Variants in RFX4 observed in about 807,000 individuals in gnomAD.
RFX4 encodes regulatory factor X4, also known as transcription factor RFX4.
RFX4 carries 10 observed loss-of-function variants against 95.0 expected under a neutral mutation model. That is an observed-to-expected ratio of 0.11 (90% CI 0.06 to 0.18). RFX4 has a LOEUF of 0.18. Ranked by LOEUF, RFX4 falls within the 10% of genes least tolerant of loss-of-function variation. The pLI is 1.00. For missense variants in RFX4, 640 were observed against 922.0 expected, an observed-to-expected ratio of 0.69 and a Z score of 3.96; for synonymous variants, 321 against 340.7, an observed-to-expected ratio of 0.94 and a Z score of 0.64.
rs142364997 is a variant in RFX4, at chr12:106,662,110, A to T, written c.315+7759A>T. ...GGCAATTGCTAGATTGTATGGTAAG[A>T]GTTTATTTAGTTTTGTAATAAACTG... On this transcript the variant is annotated intron_variant, in intron 4 of 17. Coordinates refer to ENST00000392842, the MANE Select transcript of RFX4 (RefSeq NM_213594.3). 8.5e-4 allele frequency: 270 copies of T among 317,006 alleles called. 1 individual carries two copies. Among genetic ancestry groups the T allele is most frequent in the African/African-American group, 5.6e-3 (257 of 46,086 alleles). 19.6% of individuals were successfully genotyped at this position (317,006 alleles called of 1,614,324 possible). A position where few individuals can be genotyped will look rare whatever the true frequency, so the allele number is the denominator to read the frequency against.
chr12:106,644,756 T>C (rs1412947428), intron 3 of RFX4, among the ~76,000 whole-genome samples: 4 of 152,180 alleles, frequency 2.6e-5, no homozygotes, highest in Admixed American at 6.5e-5. Context: ...TCATCTGCAG[T>C]GCAAAATACT....
At chr12:106,713,910 A>G (rs1047611775) in intron 10 of RFX4, among the ~76,000 whole-genome samples, 4 of 151,922 alleles carry the variant, frequency 2.6e-5, no homozygotes, top group Non-Finnish European at 5.9e-5. Context: ...TCTACTAAAA[A>G]TACAAAAAAA....
intron 4 of RFX4, among the ~76,000 whole-genome samples, chr12:106,666,726 A>C (rs1196537579): frequency 2.0e-5 from 3 of 152,080 alleles, no homozygotes; most frequent in Non-Finnish European, 4.4e-5. Flanking sequence ...TTTCTGTTAC[A>C]GTGTTTTTGA....
At chr12:106,621,607 A>G (rs148728930) in intron 2 of RFX4, among the ~76,000 whole-genome samples, 1,647 of 152,322 alleles carry the variant, frequency 0.011, 15 homozygotes, top group Admixed American at 0.019. Flanking sequence ...ATCTGCATGT[A>G]TAGCTTAGGA....
chr12:106,749,143 C>G (rs2042950711), intron 16 of RFX4, among the ~76,000 whole-genome samples: 1 of 150,826 alleles, frequency 6.6e-6, no homozygotes, highest in Non-Finnish European at 1.5e-5. Context: ...GTAGCCCCAG[C>G]TACTCAGGAG....
intron 2 of RFX4, among the ~76,000 whole-genome samples, chr12:106,635,802 G>C (rs2040499486): frequency 6.6e-6 from 1 of 152,070 alleles, no homozygotes; most frequent in African/African-American, 2.4e-5. Context: ...ATTTCACCAT[G>C]TATACACCAG....
chr12:106,624,674 G>A (rs2040255308), intron 2 of RFX4, among the ~76,000 whole-genome samples: 1 of 152,020 alleles, frequency 6.6e-6, no homozygotes. Flanking sequence ...GCGGAGGGGG[G>A]AAGAAGAAGA....
Position 106,761,461 on chromosome 12 carries a change from G to C in RFX4, c.2200G>C (p.Ala734Pro). 1 of 1,600,216 alleles carries C rather than the reference G, an allele frequency of 6.2e-7. No individual in the cohort carries two copies. Among genetic ancestry groups the C allele is most frequent in the Non-Finnish European group, 8.5e-7 (1 of 1,172,512 alleles). ...CAACGGAGAGGCCTCTACAGGATGG[G>C]CTAAATGACTGCTATCATAGGCATC... ...YINGEASTGW[A>P]K Residue 734 changes from alanine to proline, a missense_variant, in exon 18 of 18, where the codon GCT (alanine) becomes CCT (proline). Physicochemically the swap from Ala to Pro is conservative, Grantham distance 27. Around this residue, in one of 7 missense-constraint regions of RFX4, gnomAD observed 300 missense variants for 346.8 expected, o/e 0.87. Coordinates refer to ENST00000392842, the MANE Select transcript of RFX4 (RefSeq NM_213594.3).
intron 2 of RFX4, among the ~76,000 whole-genome samples, chr12:106,626,618 A>G (rs2040305861): frequency 6.6e-6 from 1 of 152,148 alleles, no homozygotes; most frequent in Non-Finnish European, 1.5e-5. Flanking sequence ...GGTTCTATGC[A>G]GGTGGATTCA....
intron 6 of RFX4, 95 bp downstream of exon 6, chr12:106,687,192 A>T (rs929814732): frequency 0.011 from 4,840 of 445,560 alleles, 65 homozygotes; most frequent in Admixed American, 0.071. Flanking sequence ...TCACACACAC[A>T]CACACACACA....
chr12:106,657,497 C>T (rs147218861), intron 4 of RFX4, among the ~76,000 whole-genome samples: 11 of 152,204 alleles, frequency 7.2e-5, no homozygotes, highest in Admixed American at 5.9e-4. Context: ...CCAAAAACAC[C>T]GGCTTCCAGT....
intron 1 of RFX4, among the ~76,000 whole-genome samples, chr12:106,607,862 A>T (rs906074894): frequency 2.0e-5 from 3 of 152,090 alleles, no homozygotes; most frequent in Non-Finnish European, 2.9e-5. Context: ...TTGAAATTGG[A>T]TTAAAAAAAA....
intron 4 of RFX4, among the ~76,000 whole-genome samples, chr12:106,661,252 C>T (rs928481888): frequency 2.6e-5 from 4 of 152,236 alleles, no homozygotes; most frequent in African/African-American, 9.6e-5. Context: ...CACTTTTCAA[C>T]TAGAAATCAT....
At chr12:106,646,905 G>C (rs981369692) in intron 3 of RFX4, among the ~76,000 whole-genome samples, 16 of 152,198 alleles carry the variant, frequency 1.1e-4, no homozygotes, top group African/African-American at 3.9e-4. Flanking sequence ...CCACACAAAT[G>C]CATGTTTCTG....
intron 9 of RFX4, among the ~76,000 whole-genome samples, chr12:106,711,207 G>C (rs1050339667): frequency 4.6e-5 from 7 of 152,310 alleles, no homozygotes; most frequent in African/African-American, 1.7e-4. Context: ...ACCTGCGAGT[G>C]TATCGTGTGC....
At chr12:106,583,550 G>A in intron 1 of RFX4, 187 bp downstream of exon 1, 1 of 494,912 alleles carries the variant, frequency 2.0e-6, no homozygotes. Context: ...GTGGAAGTAT[G>A]TGTATAAGCG....
chr12:106,739,142 A>G (rs2042763219), intron 15 of RFX4, among the ~76,000 whole-genome samples: 1 of 152,144 alleles, frequency 6.6e-6, no homozygotes, highest in South Asian at 2.1e-4. Flanking sequence ...AAAGAAAGAA[A>G]GAAAGAAAGA....
intron 15 of RFX4, among the ~76,000 whole-genome samples, chr12:106,742,991 A>T (rs2042832283): frequency 6.6e-6 from 1 of 152,188 alleles, no homozygotes; most frequent in African/African-American, 2.4e-5. Flanking sequence ...AACCCCTTCC[A>T]AAACAAAGCA....
rs2042242033 is a variant in RFX4, at chr12:106,714,082, A to AAAAAAAAAAAAAAAAAAAAAAAAC, written c.994-1309_994-1308insAAAAAAAAAAAAAACAAAAAAAAA. 2.0e-5 allele frequency among the ~76,000 whole-genome samples: 3 copies of AAAAAAAAAAAAAAAAAAAAAAAAC among 150,802 alleles called. 1 individual carries two copies. Among genetic ancestry groups the AAAAAAAAAAAAAAAAAAAAAAAAC allele is most frequent in the Non-Finnish European group, 4.4e-5 (3 of 67,680 alleles). On this transcript the variant is annotated intron_variant, in intron 10 of 17. Transcript: ENST00000392842. ...AAACTCCATCTCAAAAAAAAAAAAA[A>AAAAAAAAAAAAAAAAAAAAAAAAC]AAAAAAAAAGCATGTTCTAAACACT...
Sources: gnomAD v4.1 joint callset for allele counts (sites outside exome capture counted in the v4.1 genomes callset) on GRCh38, gnomAD v4.1.1 for gene constraint, gnomAD v4.1.1 regional missense constraint, MANE v1.5 for transcripts, NCBI Gene and HGNC (gene_info 2026-07-23, HGNC 2026-07-21) for gene names.